SYT6: variants seen among roughly 807,000 people sequenced by gnomAD.
The protein encoded by SYT6 is synaptotagmin-6.
In SYT6, 24 loss-of-function variants were observed where a neutral mutation model predicts 38.4. The ratio of observed to expected loss-of-function variants is 0.62; its 90% CI spans 0.45 to 0.88. The LOEUF is 0.88. Ranked by LOEUF, SYT6 falls within the 40% of genes least tolerant of loss-of-function variation. The pLI is 0.00. For synonymous variants in SYT6, 265 were observed against 241.9 expected, an observed-to-expected ratio of 1.10 and a Z score of -0.89; for missense variants, 611 against 621.0, an observed-to-expected ratio of 0.98 and a Z score of 0.17.
In SYT6 at chr1:114,111,920, G is replaced by A. The variant is rs150702997; in HGVS notation, c.1072-8199C>T. ...TGCTGTGAACACCGGCCTGGGTGAC[G>A]TGAGTTGATTCCCTGCTCCGCCTCA... On this transcript the variant is annotated intron_variant, in intron 3 of 7. Coordinates refer to ENST00000610222, the MANE Select transcript of SYT6 (RefSeq NM_001253772.2). Among the ~76,000 whole-genome samples, 13 of 152,296 alleles carry A rather than the reference G, an allele frequency of 8.5e-5. No individual in the cohort carries two copies. In the East Asian group the frequency reaches 2.5e-3, roughly 29 times the overall value.
chr1:114,100,146 A>G (rs1215722469), intron 4 of SYT6, among the ~76,000 whole-genome samples: 3 of 152,274 alleles, frequency 2.0e-5, no homozygotes, highest in East Asian at 1.9e-4. Flanking sequence ...CTACTCACCC[A>G]AGTGAAGTGA....
intron 3 of SYT6, among the ~76,000 whole-genome samples, chr1:114,114,724 G>T (rs1447817486): frequency 6.6e-6 from 1 of 152,218 alleles, no homozygotes; most frequent in Non-Finnish European, 1.5e-5. Context: ...GATATAAGGC[G>T]AGAGATTCTG....
chr1:114,124,780 C>T (rs998175296), intron 3 of SYT6, among the ~76,000 whole-genome samples: 29 of 152,342 alleles, frequency 1.9e-4, no homozygotes, highest in Admixed American at 1.6e-3. Context: ...CCCTGTTAGC[C>T]AGTTCCTGAG....
At chr1:114,105,945 A>C (rs2100995287) in intron 3 of SYT6, among the ~76,000 whole-genome samples, 1 of 152,282 alleles carries the variant, frequency 6.6e-6, no homozygotes, top group African/African-American at 2.4e-5. Flanking sequence ...GAGAGTATGC[A>C]GTCCCCACCC....
At chr1:114,135,604 G>T (rs1480511525) in intron 3 of SYT6, among the ~76,000 whole-genome samples, 1 of 152,122 alleles carries the variant, frequency 6.6e-6, no homozygotes, top group African/African-American at 2.4e-5. Context: ...ATGGGACAAG[G>T]GCAGGACAGC....
At position 114,130,913 on chromosome 1, in the gene SYT6, G is replaced by A. The variant is rs188885691; in HGVS notation, c.1071+6582C>T. Among the ~76,000 whole-genome samples, 604 of 152,320 alleles carry A rather than the reference G, an allele frequency of 4.0e-3. 5 individuals are homozygous for A. Among genetic ancestry groups the A allele is most frequent in the African/African-American group, 0.014 (571 of 41,570 alleles). ...TGAGGCTTTGGGAGGCTTCACCCCCGGGTGATTTAATGAGTCACAGTGGAT... is the reference window on the plus strand; with the variant it reads ...TGAGGCTTTGGGAGGCTTCACCCCCAGGTGATTTAATGAGTCACAGTGGAT... On this transcript the variant is annotated intron_variant, in intron 3 of 7. Transcript: ENST00000610222.
chr1:114,099,244 A>T lies in SYT6; in HGVS notation c.1214T>A (p.Leu405Ter), dbSNP rs889443495. The T allele has an allele frequency of 6.2e-7, 1 of 1,613,476 alleles. No individual in the cohort carries two copies. The highest frequency in any genetic ancestry group is 8.5e-7 in the Non-Finnish European group (1 of 1,179,610). The stretch of plus-strand genomic sequence containing the variant: ...CTTCAGCCTCCGCCCATCACAGAGC[A>T]AGGACACTTTCACATAGGGATCTGT... The part of the protein sequence containing the change: ...GYSDPYVKVS[L>*]LCDGRRLKKK... The change falls in exon 5 of 8, where the codon TTG (leucine) becomes TAG (stop). Residue 405 changes from leucine (L) to a stop codon, truncating the protein, a stop_gained. Coordinates refer to ENST00000610222, the MANE Select transcript of SYT6 (RefSeq NM_001253772.2). LOFTEE classifies it high-confidence loss of function.
At chr1:114,100,484 C>T (rs969490171) in intron 4 of SYT6, among the ~76,000 whole-genome samples, 18 of 152,348 alleles carry the variant, frequency 1.2e-4, no homozygotes, top group Admixed American at 9.1e-4. Context: ...AGAACTGTGA[C>T]ACCTGATCAG....
intron 1 of SYT6, 128 bp downstream of exon 1, chr1:114,153,482 C>T: frequency 1.9e-6 from 1 of 539,418 alleles, no homozygotes; most frequent in Non-Finnish European, 3.3e-6. Flanking sequence ...ACGAGGCTGG[C>T]TCCCAATCCA....
intron 3 of SYT6, 52 bp downstream of exon 3, chr1:114,137,443 C>T: frequency 1.3e-6 from 2 of 1,566,886 alleles, no homozygotes; most frequent in South Asian, 2.4e-5. Context: ...CATGTCCCAC[C>T]CAACCCAGAA....
chr1:114,107,092 GT>G (rs1037396647), intron 3 of SYT6, among the ~76,000 whole-genome samples: 1 of 152,204 alleles, frequency 6.6e-6, no homozygotes, highest in African/African-American at 2.4e-5. Flanking sequence ...AAAGGCCACT[GT>G]CACCATTTCC....
chr1:114,118,689 C>T (rs1282580766), intron 3 of SYT6, among the ~76,000 whole-genome samples: 1 of 152,176 alleles, frequency 6.6e-6, no homozygotes, highest in African/African-American at 2.4e-5. Context: ...TTCTCCCAGG[C>T]GATGCCCAGC....
chr1:114,153,841 G>A lies in SYT6; in HGVS notation c.-69C>T. 1.7e-6 allele frequency: 1 copy of A among 576,184 alleles called. No individual in the cohort carries two copies. The highest frequency in any genetic ancestry group is 3.0e-6 in the Non-Finnish European group (1 of 332,866). 35.7% of individuals were successfully genotyped at this position (576,184 alleles called of 1,614,324 possible). A position where few individuals can be genotyped will look rare whatever the true frequency, so the allele number is the denominator to read the frequency against. On this transcript the variant is annotated 5_prime_UTR_variant, in exon 1 of 8. Coordinates refer to ENST00000610222, the MANE Select transcript of SYT6 (RefSeq NM_001253772.2). ...CCCCGGCCGCACTGGGGCGGGGCACGACGGCCCCAAGAAGACCCTCCCTGC... is the reference window on the plus strand; with the variant it reads ...CCCCGGCCGCACTGGGGCGGGGCACAACGGCCCCAAGAAGACCCTCCCTGC...
intron 3 of SYT6, among the ~76,000 whole-genome samples, chr1:114,122,042 T>C (rs1343235333): frequency 6.6e-6 from 1 of 152,204 alleles, no homozygotes; most frequent in Non-Finnish European, 1.5e-5. Flanking sequence ...CTTGCTTACC[T>C]GCAGGCTCTT....
rs2101608437 is a variant in SYT6, at chr1:114,089,329, A to T, written c.*2805T>A. On this transcript the variant is annotated 3_prime_UTR_variant, in exon 8 of 8. Coordinates refer to ENST00000610222, the MANE Select transcript of SYT6 (RefSeq NM_001253772.2). ...AGAGATTTAATTGAATAAAAACTCC[A>T]GGCTGTGACACGGGTGGGAAGACAC... 6.5e-6 allele frequency: 1 copy of T among 152,904 alleles called. No homozygotes were observed. Among genetic ancestry groups the T allele is most frequent in the East Asian group, 1.9e-4 (1 of 5,324 alleles). The allele number at this position is 152,904 out of a possible 1,614,324, so 9.5% of individuals were successfully genotyped here.
chr1:114,118,277 C>T (rs561509550), intron 3 of SYT6, among the ~76,000 whole-genome samples: 12 of 152,324 alleles, frequency 7.9e-5, no homozygotes, highest in South Asian at 2.1e-4. Context: ...AATTACAGGC[C>T]GCATGTTCTG....
chr1:114,152,106 C>T (rs1679469823), intron 1 of SYT6: 1 of 152,346 alleles, frequency 6.6e-6, no homozygotes, highest in Non-Finnish European at 1.5e-5. Context: ...ACCGCCCCCT[C>T]CCCCGAACTG....
chr1:114,094,776 C>G (rs976907908), intron 6 of SYT6, among the ~76,000 whole-genome samples: 4 of 152,158 alleles, frequency 2.6e-5, no homozygotes, highest in Non-Finnish European at 5.9e-5. Context: ...GAGGAGATTT[C>G]TTTATGATTA....
intron 4 of SYT6, 127 bp downstream of exon 4, chr1:114,103,474 G>T: frequency 7.7e-7 from 1 of 1,300,168 alleles, no homozygotes; most frequent in Non-Finnish European, 1.1e-6. Context: ...TCGAATCCAG[G>T]CAGTTTGTGT....
Sources: allele counts gnomAD v4.1 joint callset (sites outside exome capture counted in the v4.1 genomes callset), GRCh38; gene constraint gnomAD v4.1.1; transcripts MANE v1.5; gene names NCBI Gene and HGNC (gene_info 2026-07-23, HGNC 2026-07-21).